The following TSPAN2 variants were observed in gnomAD, a reference collection of about 807,000 sequenced individuals.
The protein encoded by TSPAN2 is tetraspanin-2.
In TSPAN2, 24 loss-of-function variants were observed where a neutral mutation model predicts 33.3. That is an observed-to-expected ratio of 0.72 (90% CI 0.52 to 1.01). The LOEUF is 1.01. Among genes scored for constraint, TSPAN2 ranks in the 50% least tolerant of loss-of-function variants. TSPAN2 has a pLI of 0.00. For synonymous variants in TSPAN2, 114 were observed against 104.5 expected (o/e 1.09, Z -0.56); for missense variants, 278 against 281.3 (o/e 0.99, Z 0.08).
Position 115,077,613 on chromosome 1 carries a change from G to A in TSPAN2, c.70-4606C>T, listed in dbSNP as rs182294735. 9.3e-3 allele frequency among the ~76,000 whole-genome samples: 1,418 copies of A among 152,258 alleles called. 16 individuals are homozygous for A. Among genetic ancestry groups the A allele is most frequent in the Middle Eastern group, 0.065 (19 of 294 alleles). On this transcript the variant is annotated intron_variant, in intron 1 of 7. Transcript: ENST00000369516. The stretch of plus-strand genomic sequence containing the variant: ...TTAAAGCAAAGTGGATGGACAAAAA[G>A]TTTTCTTTAATAATGGCTATCTGCC...
At chr1:115,063,321 T>A (rs963432346) in intron 2 of TSPAN2, among the ~76,000 whole-genome samples, 1 of 152,208 alleles carries the variant, frequency 6.6e-6, no homozygotes, top group Non-Finnish European at 1.5e-5. Context: ...CATGAAATAA[T>A]GCTCGTCATC....
At chr1:115,070,155 G>T (rs186086917) in intron 2 of TSPAN2, among the ~76,000 whole-genome samples, 2 of 152,154 alleles carry the variant, frequency 1.3e-5, no homozygotes, top group African/African-American at 4.8e-5. Flanking sequence ...CTGTAACTCA[G>T]GTTTCCATCA....
rs575220530 is a variant in TSPAN2 at position 115,073,389 on chromosome 1, T to C, written c.70-382A>G. On this transcript the variant is annotated intron_variant, in intron 1 of 7. Coordinates refer to ENST00000369516, the MANE Select transcript of TSPAN2 (RefSeq NM_005725.6). ...CCCTTGCTGGGCATGTTGGATCTCT[T>C]CACCCACACCACAACGAGAGGTGAC... 2.0e-4 allele frequency among the ~76,000 whole-genome samples: 30 copies of C among 152,242 alleles called. No individual in the cohort carries two copies. In the South Asian group the frequency reaches 5.8e-3, roughly 30 times the overall value.
At position 115,048,355 on chromosome 1, in the gene TSPAN2, C is replaced by T. The variant is rs888267559; in HGVS notation, c.*2135G>A. 1 of 148,024 alleles carries T rather than the reference C, an allele frequency of 6.8e-6. No homozygotes were observed. The highest frequency in any genetic ancestry group is 2.1e-4 in the South Asian group (1 of 4,654). The allele number at this position is 148,024 out of a possible 1,614,324, so 9.2% of individuals were successfully genotyped here. A position where few individuals can be genotyped will look rare whatever the true frequency, so the allele number is the denominator to read the frequency against. ...TTTCTGTGTGTGTGTGTATATATATCCACACACACATATAAAATCTATTGT... is the reference window on the plus strand; with the variant it reads ...TTTCTGTGTGTGTGTGTATATATATTCACACACACATATAAAATCTATTGT... On this transcript the variant is annotated 3_prime_UTR_variant, in exon 8 of 8. Transcript: ENST00000369516.
rs34749181 is a variant in TSPAN2 at position 115,050,530 on chromosome 1, A to G, written c.626T>C (p.Val209Ala). ...TGAGTTTCGTATCGCACAGCAGAGG[A>G]CCATGCTGAATATCATGCCAAAGAT... is the stretch of plus-strand genomic sequence containing the variant. ...LTIFGMIFSM[V>A]LCCAIRNSRD... Residue 209 changes from valine (V) to alanine (A), a missense_variant, in exon 8 of 8, where the codon GTC becomes GCC. Coordinates refer to ENST00000369516, the MANE Select transcript of TSPAN2 (RefSeq NM_005725.6). 315 of 1,613,916 alleles carry G rather than the reference A, an allele frequency of 2.0e-4. No individual in the cohort carries two copies. Among genetic ancestry groups the G allele is most frequent in the Non-Finnish European group, 2.6e-4 (307 of 1,179,970 alleles).
intron 5 of TSPAN2, among the ~76,000 whole-genome samples, 190 bp from the exon 6 acceptor site, chr1:115,057,798 C>T (rs115811739): frequency 5.3e-5 from 8 of 152,334 alleles, no homozygotes; most frequent in Non-Finnish European, 1.0e-4. Context: ...AAGAAAATGA[C>T]TTCGCTAAAG....
In TSPAN2 at chr1:115,070,471, C is replaced by T. The variant is rs181547041; in HGVS notation, c.172+2434G>A. ...GTGCAGATCATACCCTACCCCCGGCCCCAAATCATTCTTCTACTGTTTACC... is the reference window on the plus strand; with the variant it reads ...GTGCAGATCATACCCTACCCCCGGCTCCAAATCATTCTTCTACTGTTTACC... On this transcript the variant is annotated intron_variant, in intron 2 of 7. Coordinates refer to ENST00000369516, the MANE Select transcript of TSPAN2 (RefSeq NM_005725.6). Among the ~76,000 whole-genome samples the T allele has an allele frequency of 2.5e-3, 384 of 151,728 alleles. 2 individuals are homozygous for T. Among genetic ancestry groups the T allele is most frequent in the Non-Finnish European group, 4.3e-3 (293 of 67,928 alleles).
chr1:115,082,672 T>C (rs1648671817), intron 1 of TSPAN2, among the ~76,000 whole-genome samples: 1 of 152,206 alleles, frequency 6.6e-6, no homozygotes, highest in Admixed American at 6.5e-5. Flanking sequence ...TTCCTGCTTC[T>C]TCTCCCATAT....
At position 115,072,962 on chromosome 1, in the gene TSPAN2, C is replaced by T. The variant is rs147800870; in HGVS notation, c.115G>A (p.Gly39Arg). 31 of 1,614,062 alleles carry T rather than the reference C, an allele frequency of 1.9e-5. No homozygotes were observed. Among genetic ancestry groups the T allele is most frequent in the South Asian group, 1.2e-4 (11 of 91,080 alleles). The change falls in exon 2 of 8, where the codon GGA becomes AGA. Residue 39 changes from glycine to arginine, a missense_variant. Coordinates refer to ENST00000369516, the MANE Select transcript of TSPAN2 (RefSeq NM_005725.6). ...VIAFGLWFRFGGAIKELSSED... is the reference protein window; with the variant it reads ...VIAFGLWFRFRGAIKELSSED... ...GATGATAACTCCTTTATGGCACCTCCGAACCGAAACCATAGTCCAAAAGCA... is the reference window on the plus strand; with the variant it reads ...GATGATAACTCCTTTATGGCACCTCTGAACCGAAACCATAGTCCAAAAGCA...
chr1:115,076,263 G>T (rs1648408160), intron 1 of TSPAN2, among the ~76,000 whole-genome samples: 1 of 152,172 alleles, frequency 6.6e-6, no homozygotes, highest in Non-Finnish European at 1.5e-5. Flanking sequence ...TCGATGCTGT[G>T]TTTGTTAAGG....
intron 1 of TSPAN2, among the ~76,000 whole-genome samples, chr1:115,088,822 C>G (rs919621618): frequency 1.3e-5 from 2 of 152,026 alleles, no homozygotes; most frequent in Non-Finnish European, 2.9e-5. Flanking sequence ...GACGCCCCCC[C>G]ACCACAATTT....
chr1:115,053,386 C>T lies in TSPAN2; in HGVS notation c.593G>A (p.Gly198Asp). 2.5e-6 allele frequency: 4 copies of T among 1,613,864 alleles called. No individual in the cohort carries two copies. Among genetic ancestry groups the T allele is most frequent in the Non-Finnish European group, 3.4e-6 (4 of 1,179,832 alleles). Reference protein sequence around the residue: ...LIGIVGIGIAGLTIFGMIFSM... With the variant: ...LIGIVGIGIADLTIFGMIFSM... ...GTTCTAGAACTTTCTCACCGTCAGA[C>T]CTGCAATTCCAATACCGACAATTCC... The change falls in exon 7 of 8, where the codon GGT (glycine) becomes GAT (aspartate). Residue 198 changes from glycine to aspartate, a missense_variant. Transcript: ENST00000369516.
At chr1:115,080,448 AT>A (rs1264878989) in intron 1 of TSPAN2, among the ~76,000 whole-genome samples, 1 of 151,726 alleles carries the variant, frequency 6.6e-6, no homozygotes, top group East Asian at 1.9e-4. Flanking sequence ...ATTTTTTTCT[AT>A]TTTTTGGTAG....
chr1:115,065,423 C>T (rs1470859391), intron 2 of TSPAN2, among the ~76,000 whole-genome samples: 2 of 152,200 alleles, frequency 1.3e-5, no homozygotes, highest in Admixed American at 1.3e-4. Flanking sequence ...ATACGACCTA[C>T]TTCCCAAAGC....
chr1:115,072,759 A>T, intron 2 of TSPAN2, 146 bp downstream of exon 2: 1 of 679,672 alleles, frequency 1.5e-6, no homozygotes, highest in Non-Finnish European at 2.6e-6. Flanking sequence ...ACCAGTGCAC[A>T]GGGGCTCAGA....
chr1:115,082,295 C>T (rs973059230), intron 1 of TSPAN2, among the ~76,000 whole-genome samples: 4 of 152,214 alleles, frequency 2.6e-5, no homozygotes, highest in African/African-American at 9.6e-5. Context: ...CTTCAACCTT[C>T]CTCTCCGATA....
At chr1:115,050,906 T>A (rs1296777589) in intron 7 of TSPAN2, among the ~76,000 whole-genome samples, 1 of 152,232 alleles carries the variant, frequency 6.6e-6, no homozygotes, top group Admixed American at 6.5e-5. Context: ...TATATGTTTA[T>A]TTTGAAAACT....
chr1:115,058,997 G>GA lies in TSPAN2; in HGVS notation c.346-17dup. On this transcript the variant is annotated splice_polypyrimidine_tract_variant and intron_variant, in intron 4 of 7. Transcript: ENST00000369516. ...GTCGGATAGCCTGAAGAAATACAAG[G>GA]AAAAATGAAGGACTTCTGGGTGGGA... is the stretch of plus-strand genomic sequence containing the variant. 1 of 1,589,030 alleles carries GA rather than the reference G, an allele frequency of 6.3e-7. No homozygotes were observed. Among genetic ancestry groups the GA allele is most frequent in the Non-Finnish European group, 8.6e-7 (1 of 1,159,900 alleles).
chr1:115,063,642 TATGGAATCA>T (rs1177245176), intron 2 of TSPAN2, among the ~76,000 whole-genome samples: 1 of 152,140 alleles, frequency 6.6e-6, no homozygotes, highest in Non-Finnish European at 1.5e-5. Flanking sequence ...ACGGCAAAGG[TATGGAATCA>T]ACCCAGGTGC....
Sources: gnomAD v4.1 joint callset for allele counts (sites outside exome capture counted in the v4.1 genomes callset) on GRCh38, gnomAD v4.1.1 for gene constraint, MANE v1.5 for transcripts, NCBI Gene and HGNC (gene_info 2026-07-23, HGNC 2026-07-21) for gene names.